Variants in PSMA5 observed in about 807,000 individuals in gnomAD.
PSMA5 encodes the protein proteasome 20S subunit alpha 5.
A neutral mutation model predicts 34.5 loss-of-function variants in PSMA5; 3 were observed. That is an observed-to-expected ratio of 0.09 (90% CI 0.04 to 0.22). The LOEUF is 0.22. Ranked by LOEUF, PSMA5 falls within the 10% of genes least tolerant of loss-of-function variation. The pLI is 1.00. For missense variants in PSMA5, 120 were observed against 286.1 expected, an observed-to-expected ratio of 0.42 and a Z score of 4.19; for synonymous variants, 88 against 95.8, an observed-to-expected ratio of 0.92 and a Z score of 0.47.
chr1:109,417,841 T>C (rs1216593727), intron 2 of PSMA5, among the ~76,000 whole-genome samples: 2 of 151,946 alleles, frequency 1.3e-5, no homozygotes, highest in Non-Finnish European at 2.9e-5. Flanking sequence ...TAAATATAAA[T>C]ACATAACAGA....
At chr1:109,415,936 A>G (rs1348298080) in intron 2 of PSMA5, among the ~76,000 whole-genome samples, 1 of 152,150 alleles carries the variant, frequency 6.6e-6, no homozygotes, top group Non-Finnish European at 1.5e-5. Context: ...ACCACCAACA[A>G]CGTAAAACTA....
chr1:109,404,218 A>T (rs1402321819), intron 8 of PSMA5, among the ~76,000 whole-genome samples: 1 of 152,158 alleles, frequency 6.6e-6, no homozygotes, highest in Non-Finnish European at 1.5e-5. Flanking sequence ...CAGCTGAGGC[A>T]CAAGAATTGC....
At chr1:109,404,846 G>A (rs1200844157) in intron 8 of PSMA5, among the ~76,000 whole-genome samples, 1 of 152,218 alleles carries the variant, frequency 6.6e-6, no homozygotes, top group Admixed American at 6.5e-5. Flanking sequence ...CTAAGTGCTA[G>A]ATGCCAAATG....
At position 109,421,935 on chromosome 1, in the gene PSMA5, T is replaced by A. The variant is rs773445679; in HGVS notation, c.30-9A>T. On this transcript the variant is annotated splice_polypyrimidine_tract_variant and intron_variant, in intron 1 of 8. Coordinates refer to ENST00000271308, the MANE Select transcript of PSMA5 (RefSeq NM_002790.4). ...AAAAAGTATTCACGCCCCTATAATT[T>A]AAAAAAAAATTATTAATTATACTCA... 9 of 1,466,644 alleles carry A rather than the reference T, an allele frequency of 6.1e-6. No homozygotes were observed. In the East Asian group the frequency reaches 8.2e-5, roughly 13 times the overall value. 90.9% of individuals were successfully genotyped at this position (1,466,644 alleles called of 1,614,324 possible). A position where few individuals can be genotyped will look rare whatever the true frequency, so the allele number is the denominator to read the frequency against.
chr1:109,415,126 A>G, intron 3 of PSMA5, 111 bp downstream of exon 3: 1 of 1,310,346 alleles, frequency 7.6e-7, no homozygotes, highest in Non-Finnish European at 1.0e-6. Context: ...CCTGGAAAAT[A>G]ATAGCTAACA....
At chr1:109,416,144 T>C (rs912124785) in intron 2 of PSMA5, among the ~76,000 whole-genome samples, 1 of 152,236 alleles carries the variant, frequency 6.6e-6, no homozygotes, top group African/African-American at 2.4e-5. Flanking sequence ...GTTATTCATA[T>C]TCCATGCCTA....
rs1449848030 is a variant in PSMA5 at position 109,419,085 on chromosome 1, GGAGGTTGCAGTGAGCC to G, written c.96+2759_96+2774del. The stretch of plus-strand genomic sequence containing the variant: ...GGAGAATCGCTTGAACACGGGAGGC[GGAGGTTGCAGTGAGCC>G]GAGATCACGCCATTGCACTCCAGCC... On this transcript the variant is annotated intron_variant, in intron 2 of 8. Transcript: ENST00000271308. Among the ~76,000 whole-genome samples the G allele has an allele frequency of 2.6e-5, 4 of 151,990 alleles. No homozygotes were observed. In the South Asian group the frequency reaches 8.3e-4, roughly 32 times the overall value.
intron 8 of PSMA5, among the ~76,000 whole-genome samples, chr1:109,407,792 C>T (rs937355192): frequency 2.0e-5 from 3 of 152,074 alleles, no homozygotes; most frequent in Non-Finnish European, 2.9e-5. Flanking sequence ...CAGGCACGCA[C>T]CACCACACCC....
At chr1:109,406,207 G>C (rs1181046938) in intron 8 of PSMA5, among the ~76,000 whole-genome samples, 2 of 152,156 alleles carry the variant, frequency 1.3e-5, no homozygotes, top group African/African-American at 4.8e-5. Context: ...TCTTAGCAAG[G>C]AGCAGTCTCA....
At chr1:109,422,970 C>G (rs1654506200) in intron 1 of PSMA5, among the ~76,000 whole-genome samples, 1 of 152,262 alleles carries the variant, frequency 6.6e-6, no homozygotes, top group Admixed American at 6.5e-5. Context: ...ACACTTTCCA[C>G]CTTTCCTTGC....
Position 109,399,133 on chromosome 1 carries a change from C to A in PSMA5, c.*2880G>T, listed in dbSNP as rs1441390678. The A allele has an allele frequency of 1.3e-5, 2 of 152,154 alleles. No individual in the cohort carries two copies. Among genetic ancestry groups the A allele is most frequent in the African/African-American group, 4.8e-5 (2 of 41,432 alleles). The allele number at this position is 152,154 out of a possible 1,614,324, so 9.4% of individuals were successfully genotyped here. A position where few individuals can be genotyped will look rare whatever the true frequency, so the allele number is the denominator to read the frequency against. Reference sequence around the variant, plus strand: ...GCAAAATGATACAATGCACCCAACCCGATATTTACATTAAAATATTTCCAG... The same window carrying A: ...GCAAAATGATACAATGCACCCAACCAGATATTTACATTAAAATATTTCCAG... On this transcript the variant is annotated 3_prime_UTR_variant, in exon 9 of 9. Coordinates refer to ENST00000271308, the MANE Select transcript of PSMA5 (RefSeq NM_002790.4).
intron 2 of PSMA5, among the ~76,000 whole-genome samples, chr1:109,420,294 T>C (rs376204899): frequency 2.1e-4 from 32 of 152,248 alleles, no homozygotes; most frequent in African/African-American, 7.7e-4. Context: ...AAGACAATTG[T>C]GTGTGGTGGG....
At chr1:109,417,578 G>A (rs1372191363) in intron 2 of PSMA5, among the ~76,000 whole-genome samples, 1 of 152,210 alleles carries the variant, frequency 6.6e-6, no homozygotes, top group African/African-American at 2.4e-5. Context: ...AGCGTCTTTG[G>A]ATTGGGGACA....
chr1:109,412,124 T>G lies in PSMA5; in HGVS notation c.352A>C (p.Asn118His). Reference protein sequence around the residue: ...TVESVTQAVSNLALQFGEEDA... With the variant: ...TVESVTQAVSHLALQFGEEDA... ...TCTTCTCCAAACTGCAAAGCCAGATTGGACACAGCTTGGGTCACACTCTCC... is the reference window on the plus strand; with the variant it reads ...TCTTCTCCAAACTGCAAAGCCAGATGGGACACAGCTTGGGTCACACTCTCC... Residue 118 changes from asparagine to histidine, a missense_variant, in exon 5 of 9, where the codon AAT becomes CAT. Physicochemically the swap from Asn to His is moderately conservative, Grantham distance 68. Transcript: ENST00000271308. The G allele has an allele frequency of 6.2e-7, 1 of 1,614,134 alleles. No individual in the cohort carries two copies. Among genetic ancestry groups the G allele is most frequent in the Non-Finnish European group, 8.5e-7 (1 of 1,179,986 alleles).
In PSMA5 at chr1:109,400,875, G is replaced by A. The variant is rs908352685; in HGVS notation, c.*1138C>T. 6.6e-6 allele frequency: 1 copy of A among 152,152 alleles called. No homozygotes were observed. The highest frequency in any genetic ancestry group is 2.4e-5 in the African/African-American group (1 of 41,428). The allele number at this position is 152,152 out of a possible 1,614,324, so 9.4% of individuals were successfully genotyped here. A position where few individuals can be genotyped will look rare whatever the true frequency, so the allele number is the denominator to read the frequency against. On this transcript the variant is annotated 3_prime_UTR_variant, in exon 9 of 9. Transcript: ENST00000271308. Reference sequence around the variant, plus strand: ...AATCAATTCTGCATCATCCACATATGGATTAGCCATGTTGTGGACAGTGCA... The same window carrying A: ...AATCAATTCTGCATCATCCACATATAGATTAGCCATGTTGTGGACAGTGCA...
chr1:109,423,136 A>T (rs1654514642), intron 1 of PSMA5, among the ~76,000 whole-genome samples: 1 of 152,230 alleles, frequency 6.6e-6, no homozygotes, highest in African/African-American at 2.4e-5. Flanking sequence ...AACAGGTAAC[A>T]TGTCATATAG....
intron 6 of PSMA5, 60 bp from the exon 7 acceptor site, chr1:109,411,173 A>G: frequency 8.4e-7 from 1 of 1,189,444 alleles, no homozygotes; most frequent in Non-Finnish European, 1.2e-6. Context: ...TTATGTAACA[A>G]ACGTCTCACT....
intron 2 of PSMA5, among the ~76,000 whole-genome samples, chr1:109,418,827 T>C (rs938806097): frequency 4.6e-5 from 7 of 152,054 alleles, no homozygotes; most frequent in Non-Finnish European, 7.4e-5. Context: ...GGGATGCTAA[T>C]AAGAAGAAAA....
intron 1 of PSMA5, among the ~76,000 whole-genome samples, chr1:109,422,808 C>G (rs553402118): frequency 2.8e-4 from 43 of 152,198 alleles, no homozygotes; most frequent in Non-Finnish European, 4.4e-4. Flanking sequence ...GTCACAGGTA[C>G]ATTTCTCTAC....
Sources: allele counts gnomAD v4.1 joint callset (sites outside exome capture counted in the v4.1 genomes callset), GRCh38; gene constraint gnomAD v4.1.1; transcripts MANE v1.5; gene names NCBI Gene and HGNC (gene_info 2026-07-23, HGNC 2026-07-21).